The following ATP2B4 variants were observed in gnomAD, a reference collection of about 807,000 sequenced individuals.
ATP2B4 encodes the protein ATPase plasma membrane Ca2+ transporting 4.
A neutral mutation model predicts 110.3 loss-of-function variants in ATP2B4; 39 were observed. That is an observed-to-expected ratio of 0.35 (90% CI 0.27 to 0.46). The LOEUF (loss-of-function observed/expected upper bound fraction) is 0.46, where lower values mean the gene tolerates loss of function less well. Among genes scored for constraint, ATP2B4 ranks in the 20% least tolerant of loss-of-function variants. The pLI is 1.00. For synonymous variants in ATP2B4, 538 were observed against 571.7 expected (o/e 0.94, Z 0.84); for missense variants, 1,135 against 1,530.9 (o/e 0.74, Z 4.32).
intron 2 of ATP2B4, among the ~76,000 whole-genome samples, chr1:203,691,589 G>C (rs911322382): frequency 6.6e-6 from 1 of 152,238 alleles, no homozygotes; most frequent in Non-Finnish European, 1.5e-5. Flanking sequence ...GGGTTTTGCT[G>C]ACCAGAATGA....
intron 1 of ATP2B4, among the ~76,000 whole-genome samples, chr1:203,677,320 A>T (rs1664856757): frequency 6.6e-6 from 1 of 151,928 alleles, no homozygotes. Flanking sequence ...CTCAACAAAT[A>T]TTTTTTTCCC....
intron 1 of ATP2B4, among the ~76,000 whole-genome samples, chr1:203,632,399 G>A (rs1348110029): frequency 2.0e-5 from 3 of 151,050 alleles, no homozygotes; most frequent in Admixed American, 6.6e-5. Context: ...GCTGGAGTGC[G>A]GTGGTGGGAT....
At chr1:203,687,994 G>GATGATTATT (rs374652843) in intron 2 of ATP2B4, among the ~76,000 whole-genome samples, 133 of 138,670 alleles carry the variant, frequency 9.6e-4, no homozygotes, top group African/African-American at 3.0e-3. Context: ...GAGAGAAAGA[G>GATGATTATT]ATTATTATTA....
chr1:203,703,477 T>C (rs189114321), intron 7 of ATP2B4, among the ~76,000 whole-genome samples, 175 bp from the exon 8 acceptor site: 1 of 152,138 alleles, frequency 6.6e-6, no homozygotes, highest in Non-Finnish European at 1.5e-5. Context: ...AAGGCCCTAA[T>C]AGAGTGTTGA....
chr1:203,646,505 T>G (rs572992267), intron 1 of ATP2B4, among the ~76,000 whole-genome samples: 2 of 152,346 alleles, frequency 1.3e-5, no homozygotes, highest in Admixed American at 1.3e-4. Context: ...GGCTCACGCC[T>G]GTAATCCCAG....
intron 20 of ATP2B4, chr1:203,733,079 G>A: frequency 1.7e-6 from 1 of 602,960 alleles, no homozygotes; most frequent in East Asian, 3.2e-5. Context: ...TGGGAGGGAA[G>A]CTCTCTCTTG....
intron 2 of ATP2B4, among the ~76,000 whole-genome samples, chr1:203,690,133 G>A (rs962476966): frequency 5.3e-5 from 8 of 152,206 alleles, no homozygotes; most frequent in Non-Finnish European, 8.8e-5. Flanking sequence ...TTATTAGCTT[G>A]AGGATTTAGA....
At chr1:203,685,346 C>G (rs1304446243) in intron 2 of ATP2B4, among the ~76,000 whole-genome samples, 1 of 152,154 alleles carries the variant, frequency 6.6e-6, no homozygotes, top group African/African-American at 2.4e-5. Context: ...CTTACTTGGC[C>G]CTATACATCT....
At chr1:203,719,225 G>GAAAAAAAAAAAAAAAAAAAAAAAAA (rs60841821) in intron 15 of ATP2B4, among the ~76,000 whole-genome samples, 5 of 54,402 alleles carry the variant, frequency 9.2e-5, no homozygotes, top group African/African-American at 3.8e-4. Context: ...ACCCTGTCTC[G>GAAAAAAAAAAAAAAAAAAAAAAAAA]AAAAAAAAAA....
At chr1:203,727,782 A>G (rs1198813655) in intron 20 of ATP2B4, 1 of 580,494 alleles carries the variant, frequency 1.7e-6, no homozygotes, top group South Asian at 2.0e-5. Context: ...GACCTAGACC[A>G]TGGGACACTA....
Position 203,683,412 on chromosome 1 carries a change from C to T in ATP2B4, c.193+14C>T. 6.3e-7 allele frequency: 1 copy of T among 1,588,096 alleles called. No homozygotes were observed. Among genetic ancestry groups the T allele is most frequent in the Non-Finnish European group, 8.6e-7 (1 of 1,163,478 alleles). On this transcript the variant is annotated intron_variant, in intron 2 of 20. Transcript: ENST00000357681. The stretch of plus-strand genomic sequence containing the variant: ...CCCCTGTGGAAGGTAAAGGCCATAT[C>T]AGGGGTGGGGAGTTGGAGGAAGGTG...
intron 20 of ATP2B4, chr1:203,733,496 T>C: frequency 2.3e-6 from 3 of 1,292,450 alleles, no homozygotes; most frequent in Non-Finnish European, 3.1e-6. Flanking sequence ...CTTTTCCTTT[T>C]GGTTTTTCCC....
chr1:203,703,588 C>T (rs568751271), intron 7 of ATP2B4, 64 bp from the exon 8 acceptor site: 9 of 1,554,822 alleles, frequency 5.8e-6, no homozygotes, highest in Middle Eastern at 2.1e-4. Context: ...CTGGTTTCCA[C>T]CTGCCTGCCA....
Position 203,742,461 on chromosome 1 carries a change from A to G in ATP2B4, c.*2607A>G, listed in dbSNP as rs1040557068. 6.6e-6 allele frequency: 1 copy of G among 152,644 alleles called. No homozygotes were observed. Among genetic ancestry groups the G allele is most frequent in the Non-Finnish European group, 1.5e-5 (1 of 68,048 alleles). 9.5% of individuals were successfully genotyped at this position (152,644 alleles called of 1,614,324 possible). A position where few individuals can be genotyped will look rare whatever the true frequency, so the allele number is the denominator to read the frequency against. Reference sequence around the variant, plus strand: ...CCAACTGGCAGTGGGTAAATATGGCATAAGTTAATAACACTTTTCCCCAAA... The same window carrying G: ...CCAACTGGCAGTGGGTAAATATGGCGTAAGTTAATAACACTTTTCCCCAAA... On this transcript the variant is annotated 3_prime_UTR_variant, in exon 21 of 21. Transcript: ENST00000357681.
chr1:203,689,620 A>G (rs1368978875), intron 2 of ATP2B4, among the ~76,000 whole-genome samples: 1 of 152,250 alleles, frequency 6.6e-6, no homozygotes, highest in Non-Finnish European at 1.5e-5. Flanking sequence ...TGAAGGCGTG[A>G]CAGTGAGATA....
chr1:203,681,340 T>C (rs929756391), intron 1 of ATP2B4, among the ~76,000 whole-genome samples: 2 of 152,182 alleles, frequency 1.3e-5, no homozygotes, highest in Non-Finnish European at 2.9e-5. Flanking sequence ...GAGGAGATCA[T>C]TGATAAAAGA....
chr1:203,707,773 A>AAAAACC, intron 9 of ATP2B4, 89 bp from the exon 10 acceptor site: 1 of 1,525,258 alleles, frequency 6.6e-7, no homozygotes, highest in Non-Finnish European at 9.0e-7. Context: ...TGAAATGTGG[A>AAAAACC]GAGATGTTGG....
intron 1 of ATP2B4, among the ~76,000 whole-genome samples, chr1:203,642,068 G>T (rs1487965651): frequency 6.6e-6 from 1 of 152,024 alleles, no homozygotes; most frequent in African/African-American, 2.4e-5. Context: ...ACAGCCTACT[G>T]TGTTTTGTTT....
At chr1:203,728,299 T>C (rs1174070708) in intron 20 of ATP2B4, 1 of 394,408 alleles carries the variant, frequency 2.5e-6, no homozygotes, top group Non-Finnish European at 5.2e-6. Context: ...ATAACTTTTA[T>C]TTTTTCCACT....
Sources: allele counts gnomAD v4.1 joint callset (sites outside exome capture counted in the v4.1 genomes callset), GRCh38; gene constraint gnomAD v4.1.1; transcripts MANE v1.5; gene names NCBI Gene and HGNC (gene_info 2026-07-23, HGNC 2026-07-21).